The following ROBO2 variants were observed in gnomAD, a reference collection of about 807,000 sequenced individuals.
ROBO2 encodes roundabout homolog 2.
In ROBO2, 53 loss-of-function variants were observed where a neutral mutation model predicts 160.8. The observed-to-expected ratio is 0.33, with a 90% confidence interval of 0.26 to 0.41. ROBO2 has a LOEUF of 0.41. Ranked by LOEUF, ROBO2 falls within the 10% of genes least tolerant of loss-of-function variation. The pLI, the probability that ROBO2 is intolerant of heterozygous loss-of-function variation, is 1.00. For synonymous variants in ROBO2, 664 were observed against 611.7 expected, an observed-to-expected ratio of 1.09 and a Z score of -1.26; for missense variants, 1,577 against 1,722.4, an observed-to-expected ratio of 0.92 and a Z score of 1.49.
intron 2 of ROBO2, among the ~76,000 whole-genome samples, chr3:76,790,222 T>C (rs182761701): frequency 1.0e-3 from 159 of 151,754 alleles, no homozygotes; most frequent in African/African-American, 3.5e-3. Flanking sequence ...CTACATCTCC[T>C]CAGTAACCTG....
intron 2 of ROBO2, among the ~76,000 whole-genome samples, chr3:77,412,455 C>T (rs1485398481): frequency 6.6e-6 from 1 of 152,204 alleles, no homozygotes; most frequent in African/African-American, 2.4e-5. Flanking sequence ...ACTCTAGAGC[C>T]CCTCTGTCCT....
At chr3:77,281,606 C>T (rs1382968239) in intron 2 of ROBO2, among the ~76,000 whole-genome samples, 1 of 152,108 alleles carries the variant, frequency 6.6e-6, no homozygotes, top group African/African-American at 2.4e-5. Flanking sequence ...CCCATGGATG[C>T]TCAAGTCTCT....
At chr3:76,067,565 A>T (rs546369574) in intron 2 of ROBO2, among the ~76,000 whole-genome samples, 1 of 152,142 alleles carries the variant, frequency 6.6e-6, no homozygotes, top group South Asian at 2.1e-4. Context: ...TTAAGTAGAA[A>T]AGGAATCTCT....
At chr3:77,529,531 A>G (rs1235312883) in intron 6 of ROBO2, among the ~76,000 whole-genome samples, 1 of 151,812 alleles carries the variant, frequency 6.6e-6, no homozygotes, top group East Asian at 1.9e-4. Context: ...CACTTGATTT[A>G]TGTTATAGAA....
intron 2 of ROBO2, among the ~76,000 whole-genome samples, chr3:77,425,679 T>G (rs1245627581): frequency 6.6e-6 from 1 of 151,380 alleles, no homozygotes; most frequent in East Asian, 1.9e-4. Flanking sequence ...CTTTTTTTTT[T>G]TTTTTGATGG....
chr3:77,499,655 T>C (rs1258210272), intron 5 of ROBO2, among the ~76,000 whole-genome samples: 1 of 149,204 alleles, frequency 6.7e-6, no homozygotes, highest in East Asian at 1.9e-4. Context: ...CTTACGCTTT[T>C]TTTTTTTTTT....
At chr3:76,925,253 T>C (rs929634643) in intron 2 of ROBO2, among the ~76,000 whole-genome samples, 5 of 150,320 alleles carry the variant, frequency 3.3e-5, no homozygotes, top group African/African-American at 4.9e-5. Flanking sequence ...TTTCTAAACC[T>C]CAATAAAATA....
intron 1 of ROBO2, among the ~76,000 whole-genome samples, chr3:77,064,100 G>C (rs958261199): frequency 6.6e-6 from 1 of 152,060 alleles, no homozygotes; most frequent in Non-Finnish European, 1.5e-5. Context: ...TGTCATAAAA[G>C]GTAAATGCTT....
At chr3:75,964,670 A>G (rs974389517) in intron 2 of ROBO2, among the ~76,000 whole-genome samples, 2 of 151,460 alleles carry the variant, frequency 1.3e-5, no homozygotes, top group African/African-American at 2.4e-5. Context: ...AGGAAGAAAG[A>G]TAACCAAAGC....
At chr3:77,073,430 AT>A (rs1339041561) in intron 1 of ROBO2, among the ~76,000 whole-genome samples, 2 of 152,210 alleles carry the variant, frequency 1.3e-5, no homozygotes, top group Non-Finnish European at 2.9e-5. Context: ...TTCATTGAAG[AT>A]TGCTTTTCTG....
chr3:76,978,464 G>A (rs2059917068), intron 2 of ROBO2, among the ~76,000 whole-genome samples: 1 of 152,068 alleles, frequency 6.6e-6, no homozygotes, highest in South Asian at 2.1e-4. Flanking sequence ...ATATATTTGA[G>A]TGTCTTTTAA....
intron 2 of ROBO2, among the ~76,000 whole-genome samples, chr3:76,200,528 A>G (rs1306311377): frequency 6.6e-6 from 1 of 152,260 alleles, no homozygotes; most frequent in Non-Finnish European, 1.5e-5. Context: ...GGTACCTTGC[A>G]CCAAATTTGT....
intron 2 of ROBO2, among the ~76,000 whole-genome samples, chr3:76,056,334 T>G (rs2067845081): frequency 6.6e-6 from 1 of 152,122 alleles, no homozygotes; most frequent in Non-Finnish European, 1.5e-5. Context: ...CAAAATATTC[T>G]TAAACAGAAA....
intron 2 of ROBO2, among the ~76,000 whole-genome samples, chr3:76,175,810 C>T (rs1048280359): frequency 6.6e-6 from 1 of 152,116 alleles, no homozygotes; most frequent in African/African-American, 2.4e-5. Flanking sequence ...TGATTCATCT[C>T]AGAAACCAGG....
chr3:76,748,164 G>A (rs2093923627), intron 2 of ROBO2, among the ~76,000 whole-genome samples: 1 of 151,878 alleles, frequency 6.6e-6, no homozygotes, highest in South Asian at 2.1e-4. Context: ...GAATGTGGCA[G>A]CATTTTTACT....
chr3:76,916,850 T>C (rs972208622), intron 2 of ROBO2, among the ~76,000 whole-genome samples: 2 of 152,152 alleles, frequency 1.3e-5, no homozygotes, highest in Non-Finnish European at 2.9e-5. Flanking sequence ...ATTGTTATCA[T>C]GGGATACTAC....
At chr3:76,163,888 T>C (rs1206722238) in intron 2 of ROBO2, among the ~76,000 whole-genome samples, 1 of 152,176 alleles carries the variant, frequency 6.6e-6, no homozygotes, top group Non-Finnish European at 1.5e-5. Flanking sequence ...TGGGTGGCTG[T>C]GGCAATTTCT....
chr3:77,560,820 A>G (rs1240730093), intron 9 of ROBO2, among the ~76,000 whole-genome samples: 2 of 152,168 alleles, frequency 1.3e-5, no homozygotes, highest in African/African-American at 2.4e-5. Context: ...GCAAGTAATA[A>G]CAAGTGCTAC....
intron 5 of ROBO2, among the ~76,000 whole-genome samples, chr3:77,499,465 C>A (rs1305402777): frequency 6.6e-6 from 1 of 151,856 alleles, no homozygotes. Context: ...TACATGGTGC[C>A]TCAGTTTTAC....
Sources: allele counts gnomAD v4.1 joint callset (sites outside exome capture counted in the v4.1 genomes callset), GRCh38; gene constraint gnomAD v4.1.1; transcripts MANE v1.5; gene names NCBI Gene and HGNC (gene_info 2026-07-23, HGNC 2026-07-21).